HS6ST3: variants seen among roughly 807,000 people sequenced by gnomAD.
HS6ST3 encodes the protein heparan-sulfate 6-O-sulfotransferase 3.
In HS6ST3, 12 loss-of-function variants were observed where a neutral mutation model predicts 36.7. The ratio of observed to expected loss-of-function variants is 0.33; its 90% CI spans 0.21 to 0.53. HS6ST3 has a LOEUF of 0.53. Among genes scored for constraint, HS6ST3 ranks in the 20% least tolerant of loss-of-function variants. The probability of loss-of-function intolerance (pLI) is 0.95; values close to 1 mark genes in which losing one functional copy is unlikely to be tolerated. For synonymous variants in HS6ST3, 240 were observed against 257.5 expected (o/e 0.93, Z 0.65); for missense variants, 584 against 640.9 (o/e 0.91, Z 0.96).
At chr13:96,271,077 T>A (rs2054717396) in intron 1 of HS6ST3, among the ~76,000 whole-genome samples, 1 of 151,886 alleles carries the variant, frequency 6.6e-6, no homozygotes. Flanking sequence ...GGTAAATGTT[T>A]AACAGCTGGC....
At chr13:96,599,484 C>A (rs1170909334) in intron 1 of HS6ST3, among the ~76,000 whole-genome samples, 7 of 151,754 alleles carry the variant, frequency 4.6e-5, no homozygotes, top group Non-Finnish European at 1.0e-4. Context: ...ATTGTAATGT[C>A]TTCATTTTAA....
chr13:96,673,742 A>G (rs1458344506), intron 1 of HS6ST3, among the ~76,000 whole-genome samples: 2 of 152,024 alleles, frequency 1.3e-5, no homozygotes, highest in Non-Finnish European at 2.9e-5. Context: ...TATCTCTTCT[A>G]ACCCTTCTGC....
intron 1 of HS6ST3, among the ~76,000 whole-genome samples, chr13:96,749,895 A>ATAT (rs1481057792): frequency 6.6e-6 from 1 of 151,928 alleles, no homozygotes; most frequent in Non-Finnish European, 1.5e-5. Context: ...TACTTTTCTA[A>ATAT]TATTATTATT....
chr13:96,215,693 T>C (rs1165370547), intron 1 of HS6ST3, among the ~76,000 whole-genome samples: 2 of 152,110 alleles, frequency 1.3e-5, no homozygotes, highest in Admixed American at 6.5e-5. Flanking sequence ...ATCAAAGTAA[T>C]ATATGCTTAT....
chr13:96,359,098 G>A (rs2055224619), intron 1 of HS6ST3, among the ~76,000 whole-genome samples: 1 of 152,094 alleles, frequency 6.6e-6, no homozygotes, highest in Non-Finnish European at 1.5e-5. Context: ...AAGGTACTTG[G>A]TGCTGACTTC....
rs1389813743 is a variant in HS6ST3, at chr13:96,090,284, C to T, written c.-579C>T. ...CCGCTCTGCAAACTTGCGGCGAGCGCCGTCAGCCCTCGCGGCTCCACAGCC... is the reference window on the plus strand; with the variant it reads ...CCGCTCTGCAAACTTGCGGCGAGCGTCGTCAGCCCTCGCGGCTCCACAGCC... On this transcript the variant is annotated 5_prime_UTR_variant, in exon 1 of 2. Transcript: ENST00000376705. 3.3e-5 allele frequency among the ~76,000 whole-genome samples: 5 copies of T among 150,822 alleles called. No homozygotes were observed. Among genetic ancestry groups the T allele is most frequent in the Non-Finnish European group, 7.4e-5 (5 of 67,656 alleles).
chr13:96,753,083 T>C (rs1431524066), intron 1 of HS6ST3, among the ~76,000 whole-genome samples: 1 of 152,214 alleles, frequency 6.6e-6, no homozygotes, highest in Non-Finnish European at 1.5e-5. Context: ...GTCTGGCCTC[T>C]CTGTTCAAGT....
intron 1 of HS6ST3, among the ~76,000 whole-genome samples, chr13:96,226,674 T>G (rs2139365278): frequency 6.6e-6 from 1 of 152,362 alleles, no homozygotes; most frequent in East Asian, 1.9e-4. Context: ...AATTTCTGTC[T>G]TATACATAGT....
chr13:96,748,612 A>T (rs1876621281), intron 1 of HS6ST3, among the ~76,000 whole-genome samples: 1 of 151,932 alleles, frequency 6.6e-6, no homozygotes, highest in Non-Finnish European at 1.5e-5. Context: ...CTTTTCCATA[A>T]ATGTTTTGCC....
chr13:96,288,483 A>C (rs1354762521), intron 1 of HS6ST3, among the ~76,000 whole-genome samples: 2 of 152,126 alleles, frequency 1.3e-5, no homozygotes, highest in Non-Finnish European at 2.9e-5. Flanking sequence ...ACTGTCTGGG[A>C]ATATAAAGAT....
intron 1 of HS6ST3, among the ~76,000 whole-genome samples, chr13:96,544,184 T>C (rs2056188644): frequency 6.6e-6 from 1 of 152,164 alleles, no homozygotes; most frequent in African/African-American, 2.4e-5. Flanking sequence ...TCTGATATTC[T>C]CACTGATAAA....
chr13:96,425,079 A>T (rs1293121745), intron 1 of HS6ST3, among the ~76,000 whole-genome samples: 2 of 152,180 alleles, frequency 1.3e-5, no homozygotes, highest in Non-Finnish European at 2.9e-5. Context: ...GGCCCTAGTG[A>T]GAGACTACCT....
intron 1 of HS6ST3, among the ~76,000 whole-genome samples, chr13:96,516,627 C>T (rs371691426): frequency 2.6e-5 from 4 of 151,964 alleles, no homozygotes; most frequent in Non-Finnish European, 4.4e-5. Context: ...TCTTTCTATG[C>T]GTAGCATAAA....
chr13:96,381,068 A>G (rs969055298), intron 1 of HS6ST3, among the ~76,000 whole-genome samples: 1 of 152,232 alleles, frequency 6.6e-6, no homozygotes, highest in Non-Finnish European at 1.5e-5. Flanking sequence ...GAGGACCTAA[A>G]CAATACTAAG....
chr13:96,679,919 A>T (rs896543545), intron 1 of HS6ST3, among the ~76,000 whole-genome samples: 1 of 152,196 alleles, frequency 6.6e-6, no homozygotes, highest in Non-Finnish European at 1.5e-5. Flanking sequence ...CTTGGGCATC[A>T]TAAGAAATGG....
intron 1 of HS6ST3, among the ~76,000 whole-genome samples, chr13:96,207,368 TTTC>T (rs1198895754): frequency 7.2e-5 from 11 of 152,074 alleles, no homozygotes; most frequent in Admixed American, 5.2e-4. Flanking sequence ...CATTTTCCTT[TTTC>T]TTGTTGGTGG....
intron 1 of HS6ST3, among the ~76,000 whole-genome samples, chr13:96,122,110 G>GTAT (rs55776008): frequency 0.029 from 4,242 of 145,136 alleles, 84 homozygotes; most frequent in Non-Finnish European, 0.037. Context: ...ACCCTTTCAG[G>GTAT]TATTATTATT....
chr13:96,261,202 T>C (rs113610607), intron 1 of HS6ST3, among the ~76,000 whole-genome samples: 1,700 of 151,804 alleles, frequency 0.011, 30 homozygotes, highest in African/African-American at 0.039. Context: ...TAATAACATA[T>C]AATAGGAACT....
At chr13:96,103,508 G>A (rs538217277) in intron 1 of HS6ST3, among the ~76,000 whole-genome samples, 1 of 152,258 alleles carries the variant, frequency 6.6e-6, no homozygotes, top group South Asian at 2.1e-4. Context: ...TGAAGCAAGC[G>A]TAAATAAATT....
Sources: gnomAD v4.1 joint callset for allele counts (sites outside exome capture counted in the v4.1 genomes callset) on GRCh38, gnomAD v4.1.1 for gene constraint, MANE v1.5 for transcripts, NCBI Gene and HGNC (gene_info 2026-07-23, HGNC 2026-07-21) for gene names.